Variants in BTBD9 observed in about 807,000 individuals in gnomAD.
BTBD9 encodes the protein BTB/POZ domain-containing protein 9.
A neutral mutation model predicts 64.3 loss-of-function variants in BTBD9; 49 were observed. That is an observed-to-expected ratio of 0.76 (90% CI 0.61 to 0.97). The LOEUF is 0.97. Among genes scored for constraint, BTBD9 ranks in the 50% least tolerant of loss-of-function variants. The pLI is 0.00. For synonymous variants in BTBD9, 260 were observed against 274.7 expected (o/e 0.95, Z 0.53); for missense variants, 598 against 762.1 (o/e 0.78, Z 2.53).
intron 6 of BTBD9, chr6:38,504,527 G>A (rs1290724294): frequency 8.8e-6 from 4 of 456,598 alleles, no homozygotes; most frequent in Non-Finnish European, 1.8e-5. Flanking sequence ...CTGTCAGTTA[G>A]ATCCCTCTTC....
chr6:38,328,324 G>A (rs912983133), intron 7 of BTBD9, among the ~76,000 whole-genome samples: 3 of 152,106 alleles, frequency 2.0e-5, no homozygotes, highest in African/African-American at 7.2e-5. Context: ...GGGCTTTAAA[G>A]AGGAAATTAA....
At chr6:38,360,786 G>C (rs1764921463) in intron 6 of BTBD9, among the ~76,000 whole-genome samples, 1 of 151,804 alleles carries the variant, frequency 6.6e-6, no homozygotes, top group South Asian at 2.1e-4. Context: ...CGGAACACAG[G>C]GTGTGGCTGT....
At chr6:38,493,425 T>C (rs1176330995) in intron 6 of BTBD9, among the ~76,000 whole-genome samples, 2 of 152,210 alleles carry the variant, frequency 1.3e-5, no homozygotes, top group Non-Finnish European at 2.9e-5. Context: ...GGAGGAATAC[T>C]GAGGTTCTCC....
rs1405715498 is a variant in BTBD9 at position 38,171,862 on chromosome 6, AAAAAAAAAAAAAAAAAAAAATAAT to A, written c.*3099_*3122del. ...TTCTACTCTCAAAAAAAAAAAAAAAAAAAAAAAAAAAAAAAAAAAATAATAATAATAATAATAATAATAATAATG... is the reference window on the plus strand; with the variant it reads ...TTCTACTCTCAAAAAAAAAAAAAAAAAATAATAATAATAATAATAATAATG... On this transcript the variant is annotated 3_prime_UTR_variant, in exon 11 of 11. Coordinates refer to ENST00000481247, the MANE Select transcript of BTBD9 (RefSeq NM_001099272.2). 1.5e-4 allele frequency: 12 copies of A among 78,752 alleles called. No individual in the cohort carries two copies. Among genetic ancestry groups the A allele is most frequent in the Admixed American group, 9.5e-4 (8 of 8,454 alleles). 4.9% of individuals were successfully genotyped at this position (78,752 alleles called of 1,614,324 possible). A position where few individuals can be genotyped will look rare whatever the true frequency, so the allele number is the denominator to read the frequency against.
At position 38,321,657 on chromosome 6, in the gene BTBD9, A is replaced by C. The variant is rs539318565; in HGVS notation, c.1264+23327T>G. 2.8e-4 allele frequency among the ~76,000 whole-genome samples: 43 copies of C among 152,282 alleles called. No individual in the cohort carries two copies. In the South Asian group the frequency reaches 8.7e-3, roughly 31 times the overall value. The stretch of plus-strand genomic sequence containing the variant: ...AGTTTAAATTTGTTTTTAACACTAA[A>C]TATTAGAACTCCTTAGACAAGAAAA... On this transcript the variant is annotated intron_variant, in intron 7 of 10. Coordinates refer to ENST00000481247, the MANE Select transcript of BTBD9 (RefSeq NM_001099272.2).
intron 6 of BTBD9, among the ~76,000 whole-genome samples, chr6:38,360,451 G>T (rs1341125762): frequency 6.6e-6 from 1 of 151,876 alleles, no homozygotes; most frequent in South Asian, 2.1e-4. Flanking sequence ...TCTAAAAAAG[G>T]TCCCCTCTTT....
chr6:38,483,256 G>A (rs1429488871), intron 6 of BTBD9, among the ~76,000 whole-genome samples: 4 of 151,776 alleles, frequency 2.6e-5, no homozygotes, highest in African/African-American at 9.7e-5. Flanking sequence ...CTTAAAGGAC[G>A]CCACTAAGCT....
chr6:38,578,652 T>A (rs145929342), intron 5 of BTBD9, among the ~76,000 whole-genome samples: 2 of 152,316 alleles, frequency 1.3e-5, no homozygotes, highest in East Asian at 1.9e-4. Flanking sequence ...GGTTATAACC[T>A]TTTATTGAAC....
intron 6 of BTBD9, among the ~76,000 whole-genome samples, chr6:38,491,371 A>C (rs1159984904): frequency 6.6e-6 from 1 of 152,250 alleles, no homozygotes; most frequent in African/African-American, 2.4e-5. Context: ...AGTCCAGGTG[A>C]CACAGGGTCA....
intron 6 of BTBD9, among the ~76,000 whole-genome samples, chr6:38,497,932 A>G (rs1041852089): frequency 6.6e-6 from 1 of 152,226 alleles, no homozygotes; most frequent in South Asian, 2.1e-4. Context: ...AGGTTTATAG[A>G]AAGAGGTATT....
intron 6 of BTBD9, among the ~76,000 whole-genome samples, chr6:38,357,917 T>C (rs1764793926): frequency 6.6e-6 from 1 of 152,232 alleles, no homozygotes; most frequent in African/African-American, 2.4e-5. Flanking sequence ...ACTTGTTTTT[T>C]CACTAATTAA....
At chr6:38,302,485 G>GTATGTGTGTGTGTGTGTA (rs1384155514) in intron 7 of BTBD9, among the ~76,000 whole-genome samples, 14 of 106,908 alleles carry the variant, frequency 1.3e-4, no homozygotes, top group African/African-American at 5.0e-4. Flanking sequence ...TTGTGTGTAT[G>GTATGTGTGTGTGTGTGTA]TATATATATA....
intron 6 of BTBD9, among the ~76,000 whole-genome samples, chr6:38,374,967 G>A (rs1014958468): frequency 6.6e-6 from 1 of 152,186 alleles, no homozygotes; most frequent in African/African-American, 2.4e-5. Flanking sequence ...GAGATTTGAG[G>A]GAGGAAAAAG....
rs1778669018 is a variant in BTBD9, at chr6:38,639,850, C to A, written c.-78G>T. On this transcript the variant is annotated 5_prime_UTR_variant, in exon 1 of 11. Coordinates refer to ENST00000481247, the MANE Select transcript of BTBD9 (RefSeq NM_001099272.2). ...GCTGCGACACAGACGCCTCTTCCGC[C>A]CGCTCCGCACCCCTCTCTGCGCCAC... The A allele has an allele frequency of 6.6e-6, 1 of 152,422 alleles. No individual in the cohort carries two copies. The highest frequency in any genetic ancestry group is 2.4e-5 in the African/African-American group (1 of 41,416). The allele number at this position is 152,422 out of a possible 1,614,324, so 9.4% of individuals were successfully genotyped here. A position where few individuals can be genotyped will look rare whatever the true frequency, so the allele number is the denominator to read the frequency against.
In BTBD9 at chr6:38,379,804, A is replaced by G. The variant is rs186292566; in HGVS notation, c.1155-34711T>C. 2.3e-3 allele frequency among the ~76,000 whole-genome samples: 353 copies of G among 152,352 alleles called. 2 individuals carry two copies. The highest frequency in any genetic ancestry group is 8.2e-3 in the African/African-American group (342 of 41,586). The stretch of plus-strand genomic sequence containing the variant: ...CATGACCACAGTGAAAATTACTTTT[A>G]CTACAAATTGTAACATAACTATATT... On this transcript the variant is annotated intron_variant, in intron 6 of 10. Coordinates refer to ENST00000481247, the MANE Select transcript of BTBD9 (RefSeq NM_001099272.2).
intron 8 of BTBD9, among the ~76,000 whole-genome samples, chr6:38,260,618 TTAAGTTGTA>T (rs1281245772): frequency 6.6e-6 from 1 of 152,214 alleles, no homozygotes; most frequent in African/African-American, 2.4e-5. Flanking sequence ...GAGGAAAATT[TTAAGTTGTA>T]TATATCATGC....
chr6:38,188,659 T>C (rs1168456886), intron 10 of BTBD9, among the ~76,000 whole-genome samples: 3 of 152,212 alleles, frequency 2.0e-5, no homozygotes, highest in African/African-American at 7.2e-5. Context: ...GCCACTGTTA[T>C]GGACTGATGC....
chr6:38,638,619 A>G (rs1177829454), intron 1 of BTBD9, among the ~76,000 whole-genome samples: 1 of 152,262 alleles, frequency 6.6e-6, no homozygotes, highest in Non-Finnish European at 1.5e-5. Context: ...GTTACAAAGC[A>G]AGGTTATTAC....
chr6:38,306,514 T>C (rs542973456), intron 7 of BTBD9, among the ~76,000 whole-genome samples: 32 of 152,362 alleles, frequency 2.1e-4, no homozygotes, highest in African/African-American at 7.0e-4. Context: ...ACAAAGTGTA[T>C]ACATTCTGCA....
Sources: gnomAD v4.1 joint callset for allele counts (sites outside exome capture counted in the v4.1 genomes callset) on GRCh38, gnomAD v4.1.1 for gene constraint, MANE v1.5 for transcripts, NCBI Gene and HGNC (gene_info 2026-07-23, HGNC 2026-07-21) for gene names.